The following MYO1E variants were observed in gnomAD, a reference collection of about 807,000 sequenced individuals.
MYO1E encodes the protein unconventional myosin-Ie.
MYO1E carries 68 observed loss-of-function variants against 151.1 expected under a neutral mutation model. The observed-to-expected ratio is 0.45, with a 90% CI of 0.37 to 0.55. The LOEUF is 0.55. Ranked by LOEUF, MYO1E falls within the 20% of genes least tolerant of loss-of-function variation. The pLI, the probability that MYO1E is intolerant of heterozygous loss-of-function variation, is 0.00. For missense variants in MYO1E, 1,363 were observed against 1,389.3 expected (o/e 0.98, Z 0.30); for synonymous variants, 601 against 501.7 (o/e 1.20, Z -2.64).
chr15:59,195,310 T>C, intron 17 of MYO1E, 151 bp downstream of exon 17: 3 of 733,424 alleles, frequency 4.1e-6, no homozygotes, highest in East Asian at 2.7e-5. Context: ...GGAAACAGTA[T>C]ACAGCTTTTG....
At chr15:59,144,273 T>G (rs1194025561) in intron 26 of MYO1E, among the ~76,000 whole-genome samples, 1 of 152,036 alleles carries the variant, frequency 6.6e-6, no homozygotes, top group Non-Finnish European at 1.5e-5. Context: ...TTCAAGCAAT[T>G]CTCGTGCCTC....
chr15:59,262,957 A>C (rs2080232756), intron 2 of MYO1E, among the ~76,000 whole-genome samples: 1 of 152,156 alleles, frequency 6.6e-6, no homozygotes, highest in African/African-American at 2.4e-5. Flanking sequence ...AGTGAACAAA[A>C]TAAATAGAAT....
At chr15:59,291,245 G>C (rs1237556705) in intron 1 of MYO1E, among the ~76,000 whole-genome samples, 1 of 152,238 alleles carries the variant, frequency 6.6e-6, no homozygotes, top group Non-Finnish European at 1.5e-5. Flanking sequence ...AGCAGCACCA[G>C]TACTCCTGAT....
intron 19 of MYO1E, among the ~76,000 whole-genome samples, chr15:59,175,624 A>G (rs1269448104): frequency 6.6e-6 from 1 of 152,246 alleles, no homozygotes; most frequent in African/African-American, 2.4e-5. Context: ...TAGCAACTGG[A>G]CAGAATGTTT....
intron 26 of MYO1E, among the ~76,000 whole-genome samples, chr15:59,147,467 G>T (rs897349997): frequency 3.3e-5 from 5 of 151,792 alleles, no homozygotes; most frequent in Admixed American, 3.3e-4. Context: ...TGGCTCATGC[G>T]TGTAATCTCA....
rs766982467 is a variant in MYO1E, at chr15:59,135,906, T to C, written c.*1474A>G. On this transcript the variant is annotated 3_prime_UTR_variant, in exon 28 of 28. Transcript: ENST00000288235. ...TTACACTGATTCCAGCTTTTCACTA[T>C]TATGGCAAGAAAACATTGTTTTAGT... 3 of 152,190 alleles carry C rather than the reference T, an allele frequency of 2.0e-5. No individual in the cohort carries two copies. The highest frequency in any genetic ancestry group is 4.4e-5 in the Non-Finnish European group (3 of 68,044). 9.4% of individuals were successfully genotyped at this position (152,190 alleles called of 1,614,324 possible). A position where few individuals can be genotyped will look rare whatever the true frequency, so the allele number is the denominator to read the frequency against.
At chr15:59,247,876 C>T (rs1276555644) in intron 4 of MYO1E, among the ~76,000 whole-genome samples, 1 of 152,170 alleles carries the variant, frequency 6.6e-6, no homozygotes, top group Non-Finnish European at 1.5e-5. Flanking sequence ...AATCAGAGCA[C>T]TTTGGGAGGC....
At chr15:59,245,446 G>A (rs2080123856) in intron 4 of MYO1E, among the ~76,000 whole-genome samples, 1 of 152,128 alleles carries the variant, frequency 6.6e-6, no homozygotes, top group Non-Finnish European at 1.5e-5. Flanking sequence ...CAATCAGTCA[G>A]CAAATCCCAC....
At chr15:59,367,665 C>T (rs1424687753) in intron 1 of MYO1E, among the ~76,000 whole-genome samples, 9 of 152,184 alleles carry the variant, frequency 5.9e-5, no homozygotes, top group Admixed American at 4.6e-4. Context: ...AATGCCACTA[C>T]TGGGTATGCA....
rs1397680907 is a variant in MYO1E at position 59,218,031 on chromosome 15, G to C, written c.967C>G (p.Leu323Val). 1 of 1,614,180 alleles carries C rather than the reference G, an allele frequency of 6.2e-7. No homozygotes were observed. The highest frequency in any genetic ancestry group is 2.2e-5 in the East Asian group (1 of 44,884). Residue 323 changes from leucine to valine, a missense_variant, in exon 10 of 28, where the codon CTA becomes GTA. Transcript: ENST00000288235. ...GINQDRLKEKLTSRQMDSKWG... is the reference protein window; with the variant it reads ...GINQDRLKEKVTSRQMDSKWG... ...TTGCTATCCATCTGCCGGCTTGTTA[G>C]CTTTTCTTTCAACCGGTCCTGGTTT... is the stretch of plus-strand genomic sequence containing the variant.
chr15:59,272,161 G>T (rs1566998343), intron 2 of MYO1E, 145 bp downstream of exon 2: 1 of 854,884 alleles, frequency 1.2e-6, no homozygotes, highest in Non-Finnish European at 2.0e-6. Context: ...TCCCTGTGTT[G>T]CCAGGATGGT....
chr15:59,138,854 AC>A (rs1203466349), intron 26 of MYO1E, among the ~76,000 whole-genome samples: 3 of 151,988 alleles, frequency 2.0e-5, no homozygotes, highest in African/African-American at 7.3e-5. Context: ...ACATGTAAAT[AC>A]CCCTAGCCAA....
At chr15:59,273,658 A>G (rs147882151) in intron 1 of MYO1E, among the ~76,000 whole-genome samples, 45 of 84,566 alleles carry the variant, frequency 5.3e-4, no homozygotes, top group African/African-American at 3.2e-3. Flanking sequence ...ATTATAATCT[A>G]TGCCGGAGGA....
chr15:59,236,750 A>G (rs2080069217), intron 4 of MYO1E, 78 bp from the exon 5 acceptor site: 3 of 1,221,852 alleles, frequency 2.5e-6, no homozygotes, highest in South Asian at 2.5e-5. Context: ...CCATCACACA[A>G]AACAAACAAA....
chr15:59,141,797 CAAAAAAA>C (rs753344067), intron 26 of MYO1E, among the ~76,000 whole-genome samples: 3 of 44,922 alleles, frequency 6.7e-5, no homozygotes, highest in African/African-American at 2.5e-4. Flanking sequence ...GACTTTGTCT[CAAAAAAA>C]AAAAAAAAAA....
intron 1 of MYO1E, among the ~76,000 whole-genome samples, chr15:59,307,351 T>G (rs553494797): frequency 5.8e-4 from 88 of 152,322 alleles, no homozygotes; most frequent in African/African-American, 2.0e-3. Context: ...CACAGTCGTT[T>G]TCTATTGGAA....
intron 17 of MYO1E, among the ~76,000 whole-genome samples, chr15:59,189,711 A>C (rs1236576242): frequency 6.6e-6 from 1 of 152,134 alleles, no homozygotes; most frequent in African/African-American, 2.4e-5. Context: ...AATAGCTGGA[A>C]TTACAGGCAT....
intron 1 of MYO1E, 39 bp from the exon 2 acceptor site, chr15:59,272,488 T>A: frequency 6.2e-7 from 1 of 1,608,958 alleles, no homozygotes; most frequent in Non-Finnish European, 8.5e-7. Flanking sequence ...GATAGTTTGT[T>A]TTCCCCTGTA....
intron 14 of MYO1E, among the ~76,000 whole-genome samples, chr15:59,206,105 C>A (rs1294951889): frequency 6.6e-6 from 1 of 151,936 alleles, no homozygotes; most frequent in Non-Finnish European, 1.5e-5. Flanking sequence ...CATCAGCAGC[C>A]CCACACAGCC....
Sources: gnomAD v4.1 joint callset for allele counts (sites outside exome capture counted in the v4.1 genomes callset) on GRCh38, gnomAD v4.1.1 for gene constraint, MANE v1.5 for transcripts, NCBI Gene and HGNC (gene_info 2026-07-23, HGNC 2026-07-21) for gene names.